The following KCNB2 variants were observed in gnomAD, a reference collection of about 807,000 sequenced individuals.
KCNB2 encodes the protein potassium voltage-gated channel subfamily B member 2, also known as delayed rectifier potassium channel protein.
KCNB2 carries 15 observed loss-of-function variants against 61.5 expected under a neutral mutation model. The ratio of observed to expected loss-of-function variants is 0.24; its 90% CI spans 0.16 to 0.38. KCNB2 has a LOEUF of 0.38. KCNB2 is among the 10% of genes least tolerant of loss of function. KCNB2 has a pLI of 1.00. For synonymous variants in KCNB2, 457 were observed against 446.0 expected (o/e 1.02, Z -0.31); for missense variants, 828 against 1,125.2 (o/e 0.74, Z 3.78).
chr8:72,600,758 G>C (rs1042199116), intron 2 of KCNB2, among the ~76,000 whole-genome samples: 1 of 151,970 alleles, frequency 6.6e-6, no homozygotes, highest in Non-Finnish European at 1.5e-5. Flanking sequence ...AATATCACAC[G>C]TTCTCACTTG....
chr8:72,543,384 A>C (rs556261948), intron 1 of KCNB2, among the ~76,000 whole-genome samples: 1 of 152,354 alleles, frequency 6.6e-6, no homozygotes, highest in African/African-American at 2.4e-5. Flanking sequence ...TAAGATTAGA[A>C]GATAAACTTG....
intron 2 of KCNB2, among the ~76,000 whole-genome samples, chr8:72,842,672 T>C (rs902825934): frequency 6.6e-6 from 1 of 152,186 alleles, no homozygotes; most frequent in Non-Finnish European, 1.5e-5. Flanking sequence ...GGAGGGTGTA[T>C]CTGTCCAGGA....
At chr8:72,754,772 C>T (rs1417030359) in intron 2 of KCNB2, among the ~76,000 whole-genome samples, 2 of 152,124 alleles carry the variant, frequency 1.3e-5, no homozygotes, top group African/African-American at 4.8e-5. Flanking sequence ...TCTTAAGACT[C>T]AGGAGTAAGT....
intron 2 of KCNB2, among the ~76,000 whole-genome samples, chr8:72,665,743 G>T (rs1806459801): frequency 8.2e-6 from 1 of 121,862 alleles, no homozygotes; most frequent in Admixed American, 8.5e-5. Flanking sequence ...AAATTATAGG[G>T]TTGTGTTACT....
intron 2 of KCNB2, among the ~76,000 whole-genome samples, chr8:72,623,359 G>T (rs1306141332): frequency 2.0e-5 from 3 of 152,174 alleles, no homozygotes; most frequent in Non-Finnish European, 4.4e-5. Flanking sequence ...CTTTGAAGGG[G>T]AGGGTTGGAG....
Position 72,872,949 on chromosome 8 carries a change from G to GA in KCNB2, c.580-62984dup, listed in dbSNP as rs1294107496. 2.0e-5 allele frequency among the ~76,000 whole-genome samples: 3 copies of GA among 152,238 alleles called. No homozygotes were observed. The East Asian group carries it at 5.8e-4, about 29-fold the overall frequency. On this transcript the variant is annotated intron_variant, in intron 2 of 2. Transcript: ENST00000523207. ...AGACTGTGTCGGAATATTCCTCGTTGAATTCCCAGTGCCTCTCCATGGCTG... is the reference window on the plus strand; with the variant it reads ...AGACTGTGTCGGAATATTCCTCGTTGAAATTCCCAGTGCCTCTCCATGGCTG...
At chr8:72,769,443 T>C (rs938940249) in intron 2 of KCNB2, among the ~76,000 whole-genome samples, 3 of 152,200 alleles carry the variant, frequency 2.0e-5, no homozygotes, top group African/African-American at 7.2e-5. Context: ...ATAGCAAATG[T>C]TCTAATAGAG....
chr8:72,650,451 T>C (rs1030864470), intron 2 of KCNB2, among the ~76,000 whole-genome samples: 1 of 152,160 alleles, frequency 6.6e-6, no homozygotes, highest in African/African-American at 2.4e-5. Flanking sequence ...TGAGACACTT[T>C]CAGTACATTT....
chr8:72,561,742 T>TATAC (rs1806527808), intron 1 of KCNB2, among the ~76,000 whole-genome samples: 1 of 27,110 alleles, frequency 3.7e-5, no homozygotes, highest in African/African-American at 3.1e-4. Context: ...TATCTATATA[T>TATAC]ATATGTATAT....
At chr8:72,746,798 A>G (rs550374116) in intron 2 of KCNB2, among the ~76,000 whole-genome samples, 1 of 152,266 alleles carries the variant, frequency 6.6e-6, no homozygotes, top group South Asian at 2.1e-4. Flanking sequence ...GAGAGCCACA[A>G]AATTGAATCA....
chr8:72,814,174 T>C (rs1809351327), intron 2 of KCNB2, among the ~76,000 whole-genome samples: 1 of 152,234 alleles, frequency 6.6e-6, no homozygotes, highest in Non-Finnish European at 1.5e-5. Context: ...TGTGAATACA[T>C]ATTAATTTAA....
chr8:72,560,190 A>T (rs1392502480), intron 1 of KCNB2, among the ~76,000 whole-genome samples: 3 of 152,204 alleles, frequency 2.0e-5, no homozygotes, highest in African/African-American at 4.8e-5. Context: ...CTTGTACATG[A>T]ATATTACTAC....
intron 2 of KCNB2, among the ~76,000 whole-genome samples, chr8:72,741,085 G>A (rs987820597): frequency 6.6e-5 from 10 of 152,104 alleles, no homozygotes; most frequent in African/African-American, 2.4e-4. Context: ...TTAATTTCAT[G>A]TGTTTTCTAT....
At chr8:72,710,098 C>T (rs1315943527) in intron 2 of KCNB2, among the ~76,000 whole-genome samples, 4 of 152,140 alleles carry the variant, frequency 2.6e-5, no homozygotes, top group South Asian at 2.1e-4. Context: ...ATCAAGACAT[C>T]GTTATCCTGC....
At chr8:72,608,174 C>T (rs1805482917) in intron 2 of KCNB2, among the ~76,000 whole-genome samples, 1 of 151,990 alleles carries the variant, frequency 6.6e-6, no homozygotes, top group Admixed American at 6.6e-5. Context: ...GAAGAAAGCC[C>T]CTTGGAGAAG....
chr8:72,845,543 C>T (rs1250270864), intron 2 of KCNB2, among the ~76,000 whole-genome samples: 1 of 152,216 alleles, frequency 6.6e-6, no homozygotes, highest in African/African-American at 2.4e-5. Flanking sequence ...TCCACAGCTG[C>T]CCCTTCCCCC....
chr8:72,737,405 A>C (rs2128994133), intron 2 of KCNB2, among the ~76,000 whole-genome samples: 1 of 152,094 alleles, frequency 6.6e-6, no homozygotes, highest in Middle Eastern at 3.4e-3. Flanking sequence ...CTGTGGGACA[A>C]GGTTACACCT....
At chr8:72,909,496 C>T (rs1021065966) in intron 2 of KCNB2, among the ~76,000 whole-genome samples, 2 of 152,008 alleles carry the variant, frequency 1.3e-5, no homozygotes, top group African/African-American at 4.8e-5. Flanking sequence ...TCACACAGTG[C>T]CTTGTAATCC....
At position 72,588,221 on chromosome 8, in the gene KCNB2, T is replaced by TTC. The variant is rs1554577768; in HGVS notation, c.579+19909_579+19910insCT. 2.7e-5 allele frequency among the ~76,000 whole-genome samples: 4 copies of TTC among 148,926 alleles called. No homozygotes were observed. In the East Asian group the frequency reaches 5.8e-4, roughly 22 times the overall value. ...TGAGTCTCTCTGGGTTTCTTTTCTT[T>TTC]TTTTTTTTTTTTTTGAGACAGAGTT... On this transcript the variant is annotated intron_variant, in intron 2 of 2. Transcript: ENST00000523207.
Sources: gnomAD v4.1 joint callset for allele counts (sites outside exome capture counted in the v4.1 genomes callset) on GRCh38, gnomAD v4.1.1 for gene constraint, MANE v1.5 for transcripts, NCBI Gene and HGNC (gene_info 2026-07-23, HGNC 2026-07-21) for gene names.